The following MIPOL1 variants were observed in gnomAD, a reference collection of about 807,000 sequenced individuals.
MIPOL1 encodes mirror-image polydactyly 1.
In MIPOL1, 57 loss-of-function variants were observed where a neutral mutation model predicts 60.9. The observed-to-expected ratio is 0.94, with a 90% CI of 0.76 to 1.17. The LOEUF is 1.17. Among genes scored for constraint, MIPOL1 ranks in the 50% most tolerant of loss-of-function variants. MIPOL1 has a pLI of 0.00. For synonymous variants in MIPOL1, 179 were observed against 168.8 expected (o/e 1.06, Z -0.47); for missense variants, 551 against 511.6 (o/e 1.08, Z -0.74).
intron 12 of MIPOL1, among the ~76,000 whole-genome samples, chr14:37,531,848 G>T (rs1421619442): frequency 2.0e-5 from 3 of 152,014 alleles, no homozygotes; most frequent in African/African-American, 7.2e-5. Context: ...GGTACATTGA[G>T]GGGAGAGAAG....
intron 1 of MIPOL1, chr14:37,212,213 T>C (rs1343307915): frequency 6.6e-6 from 1 of 151,954 alleles, no homozygotes; most frequent in African/African-American, 2.4e-5. Flanking sequence ...GAGGATGGAC[T>C]TTGTTTTGTA....
intron 12 of MIPOL1, among the ~76,000 whole-genome samples, chr14:37,522,249 A>T (rs2095419156): frequency 6.6e-6 from 1 of 152,176 alleles, no homozygotes; most frequent in Admixed American, 6.6e-5. Context: ...GTGTTACATC[A>T]TATTAATGTT....
At chr14:37,292,162 T>A (rs781383157) in intron 7 of MIPOL1, among the ~76,000 whole-genome samples, 1 of 152,002 alleles carries the variant, frequency 6.6e-6, no homozygotes, top group Non-Finnish European at 1.5e-5. Flanking sequence ...CTGGACCTCA[T>A]GATCCGCCCG....
intron 10 of MIPOL1, among the ~76,000 whole-genome samples, chr14:37,388,695 A>G (rs186689336): frequency 6.6e-6 from 1 of 151,928 alleles, no homozygotes; most frequent in Non-Finnish European, 1.5e-5. Flanking sequence ...TTTTGTCACT[A>G]TAAATTCACT....
At chr14:37,500,635 A>G (rs2095202916) in intron 12 of MIPOL1, among the ~76,000 whole-genome samples, 1 of 152,182 alleles carries the variant, frequency 6.6e-6, no homozygotes, top group African/African-American at 2.4e-5. Context: ...ATAATTATAT[A>G]TGTTTATTTT....
chr14:37,252,343 T>C (rs1459241561), intron 3 of MIPOL1, among the ~76,000 whole-genome samples: 1 of 151,974 alleles, frequency 6.6e-6, no homozygotes, highest in Non-Finnish European at 1.5e-5. Flanking sequence ...AGAATGGCTG[T>C]GTAAATAGAA....
chr14:37,297,241 G>C (rs933109070), intron 7 of MIPOL1, among the ~76,000 whole-genome samples: 1 of 152,114 alleles, frequency 6.6e-6, no homozygotes, highest in African/African-American at 2.4e-5. Context: ...AAAGGCCTTT[G>C]ACAAAATTCA....
chr14:37,199,161 G>GT (rs1309912730), intron 1 of MIPOL1, among the ~76,000 whole-genome samples: 1 of 152,110 alleles, frequency 6.6e-6, no homozygotes, highest in Non-Finnish European at 1.5e-5. Flanking sequence ...TGCATGAATC[G>GT]TAAGTGTACA....
chr14:37,440,335 G>T (rs2094222017), intron 11 of MIPOL1, among the ~76,000 whole-genome samples: 2 of 152,098 alleles, frequency 1.3e-5, no homozygotes, highest in South Asian at 4.1e-4. Flanking sequence ...CGCAAATTAA[G>T]TGAGGATCAG....
chr14:37,250,440 G>A (rs890570920), intron 3 of MIPOL1, among the ~76,000 whole-genome samples: 1 of 151,968 alleles, frequency 6.6e-6, no homozygotes, highest in Non-Finnish European at 1.5e-5. Context: ...CCAGCTACTC[G>A]GTAGTCTGAG....
chr14:37,252,521 A>AT (rs903665897), intron 3 of MIPOL1, among the ~76,000 whole-genome samples: 1 of 151,870 alleles, frequency 6.6e-6, no homozygotes, highest in African/African-American at 2.4e-5. Flanking sequence ...AGTAACACAA[A>AT]TTTTTTTTAA....
chr14:37,521,129 G>A (rs1180467780), intron 12 of MIPOL1, among the ~76,000 whole-genome samples: 4 of 151,410 alleles, frequency 2.6e-5, no homozygotes, highest in Non-Finnish European at 2.9e-5. Flanking sequence ...TAGAGACAAG[G>A]TTTCACCATG....
At chr14:37,457,617 A>G (rs2094491781) in intron 11 of MIPOL1, among the ~76,000 whole-genome samples, 1 of 152,150 alleles carries the variant, frequency 6.6e-6, no homozygotes, top group Non-Finnish European at 1.5e-5. Flanking sequence ...TATTTTCAGC[A>G]AAGATTTTCT....
intron 12 of MIPOL1, among the ~76,000 whole-genome samples, chr14:37,520,298 G>A (rs930134156): frequency 2.0e-5 from 3 of 152,122 alleles, no homozygotes; most frequent in African/African-American, 7.2e-5. Flanking sequence ...AATTTGAAAT[G>A]TTGACATTAG....
chr14:37,270,708 T>C (rs944729283), intron 6 of MIPOL1, among the ~76,000 whole-genome samples, 183 bp downstream of exon 6: 1 of 147,736 alleles, frequency 6.8e-6, no homozygotes, highest in African/African-American at 2.5e-5. Context: ...CTGGTATTAG[T>C]GAGAGCTTTA....
intron 9 of MIPOL1, among the ~76,000 whole-genome samples, chr14:37,346,598 A>T (rs1355037313): frequency 6.6e-6 from 1 of 152,184 alleles, no homozygotes; most frequent in Admixed American, 6.5e-5. Context: ...AAAGTTGAAG[A>T]AAGAGAAAGA....
intron 12 of MIPOL1, among the ~76,000 whole-genome samples, chr14:37,520,649 C>T (rs892577429): frequency 4.4e-4 from 67 of 152,124 alleles, no homozygotes; most frequent in African/African-American, 1.2e-3. Flanking sequence ...GTGTTTTAAA[C>T]ATATTTTTTT....
chr14:37,203,717 A>G (rs1965652367), intron 1 of MIPOL1, among the ~76,000 whole-genome samples: 1 of 152,182 alleles, frequency 6.6e-6, no homozygotes, highest in Non-Finnish European at 1.5e-5. Flanking sequence ...CCCACCTGTC[A>G]AGGAACTGAA....
intron 10 of MIPOL1, among the ~76,000 whole-genome samples, chr14:37,393,402 T>TTTG (rs1385896407): frequency 2.1e-4 from 10 of 47,588 alleles, no homozygotes; most frequent in East Asian, 1.2e-3. Context: ...TTTGTTTTGT[T>TTTG]TTTGTGTGTG....
Sources: gnomAD v4.1 joint callset for allele counts (sites outside exome capture counted in the v4.1 genomes callset) on GRCh38, gnomAD v4.1.1 for gene constraint, MANE v1.5 for transcripts, NCBI Gene and HGNC (gene_info 2026-07-23, HGNC 2026-07-21) for gene names.